CDH9: variants seen among roughly 807,000 people sequenced by gnomAD.
The protein encoded by CDH9 is cadherin-9.
In CDH9, 28 loss-of-function variants were observed where a neutral mutation model predicts 70.9. That is an observed-to-expected ratio of 0.40 (90% CI 0.29 to 0.54). The LOEUF (loss-of-function observed/expected upper bound fraction) is 0.54. Among genes scored for constraint, CDH9 ranks in the 20% least tolerant of loss-of-function variants. The pLI, the probability that CDH9 is intolerant of heterozygous loss-of-function variation, is 0.59. For synonymous variants in CDH9, 409 were observed against 343.1 expected (o/e 1.19, Z -2.12); for missense variants, 874 against 984.4 (o/e 0.89, Z 1.50).
chr5:27,008,344 G>A (rs1302552556), intron 1 of CDH9, among the ~76,000 whole-genome samples: 2 of 151,968 alleles, frequency 1.3e-5, no homozygotes, highest in Non-Finnish European at 2.9e-5. Context: ...ACAAAAATCA[G>A]CTGAGTGTGG....
rs958605373 is a variant in CDH9, at chr5:27,011,700, A to AT, written c.-49-23319dup. On this transcript the variant is annotated intron_variant, in intron 1 of 11. Transcript: ENST00000231021. ...TAACTATCACAGATAAAGGTAAGAG[A>AT]TTTTTCAGCTATGCTTTAGCAGCAT... 1.1e-4 allele frequency among the ~76,000 whole-genome samples: 17 copies of AT among 152,114 alleles called. 1 individual carries two copies. Among genetic ancestry groups the AT allele is most frequent in the Middle Eastern group, 3.4e-3 (1 of 294 alleles).
At chr5:27,027,164 G>T (rs1042585838) in intron 1 of CDH9, among the ~76,000 whole-genome samples, 1 of 151,894 alleles carries the variant, frequency 6.6e-6, no homozygotes, top group Non-Finnish European at 1.5e-5. Context: ...AACTTCAAGC[G>T]ATAAAGTGTA....
At chr5:27,007,434 A>G (rs892247662) in intron 1 of CDH9, among the ~76,000 whole-genome samples, 2 of 152,136 alleles carry the variant, frequency 1.3e-5, no homozygotes, top group Admixed American at 1.3e-4. Flanking sequence ...AAATGTATGC[A>G]AATTTATAAT....
intron 7 of CDH9, among the ~76,000 whole-genome samples, chr5:26,901,304 T>G (rs1740850468): frequency 6.6e-6 from 1 of 151,914 alleles, no homozygotes; most frequent in Admixed American, 6.6e-5. Flanking sequence ...GTAATAAACC[T>G]AAAACTAACC....
At chr5:27,035,719 T>G (rs1743382686) in intron 1 of CDH9, among the ~76,000 whole-genome samples, 1 of 151,122 alleles carries the variant, frequency 6.6e-6, no homozygotes, top group African/African-American at 2.4e-5. Context: ...TGGGTGTGTG[T>G]GGGTGTGTGT....
chr5:26,931,586 A>T (rs975417635), intron 2 of CDH9, among the ~76,000 whole-genome samples: 1 of 152,190 alleles, frequency 6.6e-6, no homozygotes, highest in Non-Finnish European at 1.5e-5. Flanking sequence ...ATAAGAAAAA[A>T]ATTCAAGCTA....
chr5:26,940,431 A>T (rs1741640318), intron 2 of CDH9, among the ~76,000 whole-genome samples: 2 of 152,184 alleles, frequency 1.3e-5, no homozygotes, highest in South Asian at 4.1e-4. Flanking sequence ...ACACATTATT[A>T]AAAACTAGAT....
chr5:26,948,413 T>C (rs944110052), intron 2 of CDH9, among the ~76,000 whole-genome samples: 1 of 152,170 alleles, frequency 6.6e-6, no homozygotes, highest in Admixed American at 6.5e-5. Flanking sequence ...AGAAGAAACA[T>C]TTCTTGAAAA....
At chr5:26,968,326 C>T (rs994412959) in intron 2 of CDH9, among the ~76,000 whole-genome samples, 3 of 151,816 alleles carry the variant, frequency 2.0e-5, no homozygotes, top group African/African-American at 7.3e-5. Flanking sequence ...TGCTCTGTTG[C>T]CCAGGCTGGA....
chr5:27,008,884 CT>C (rs1456083320), intron 1 of CDH9, among the ~76,000 whole-genome samples: 1 of 152,102 alleles, frequency 6.6e-6, no homozygotes, highest in Non-Finnish European at 1.5e-5. Flanking sequence ...GGAAAAATAA[CT>C]TTGCAATTGA....
At chr5:27,007,848 T>C (rs1246814662) in intron 1 of CDH9, among the ~76,000 whole-genome samples, 1 of 152,158 alleles carries the variant, frequency 6.6e-6, no homozygotes, top group Non-Finnish European at 1.5e-5. Flanking sequence ...TGCTGTGAAT[T>C]GATACCCATA....
chr5:26,915,587 CA>C lies in CDH9; in HGVS notation c.523+42del, dbSNP rs756523545. ...AGTCAATAATAATTACCTGAGCAAACAAACAAATAAAAAGTAGTTTACATGG... is the reference window on the plus strand; with the variant it reads ...AGTCAATAATAATTACCTGAGCAAACAACAAATAAAAAGTAGTTTACATGG... On this transcript the variant is annotated intron_variant, in intron 3 of 11. Coordinates refer to ENST00000231021, the MANE Select transcript of CDH9 (RefSeq NM_016279.4). The C allele has an allele frequency of 1.1e-5, 13 of 1,159,136 alleles. No individual in the cohort carries two copies. In the South Asian group the frequency reaches 1.7e-4, roughly 15 times the overall value. The allele number at this position is 1,159,136 out of a possible 1,614,324, so 71.8% of individuals were successfully genotyped here. A position where few individuals can be genotyped will look rare whatever the true frequency, so the allele number is the denominator to read the frequency against.
chr5:27,007,302 A>G (rs983234660), intron 1 of CDH9, among the ~76,000 whole-genome samples: 28 of 152,142 alleles, frequency 1.8e-4, no homozygotes, highest in Non-Finnish European at 3.7e-4. Context: ...CCAAACTGTT[A>G]GCCAGTTTAT....
At chr5:26,971,772 C>T (rs1451981951) in intron 2 of CDH9, among the ~76,000 whole-genome samples, 1 of 152,044 alleles carries the variant, frequency 6.6e-6, no homozygotes, top group African/African-American at 2.4e-5. Flanking sequence ...AAAATACACA[C>T]ACACACACAC....
At chr5:26,982,684 T>A (rs1354064692) in intron 2 of CDH9, among the ~76,000 whole-genome samples, 2 of 151,778 alleles carry the variant, frequency 1.3e-5, no homozygotes, top group African/African-American at 2.4e-5. Flanking sequence ...TTTTTTTTGT[T>A]TTTTTGTTTT....
At chr5:26,922,039 AAG>A (rs1044203173) in intron 2 of CDH9, among the ~76,000 whole-genome samples, 4 of 136,828 alleles carry the variant, frequency 2.9e-5, no homozygotes, top group African/African-American at 5.2e-5. Flanking sequence ...AAAAAAAAAA[AAG>A]AGAGAGAGAG....
At chr5:27,009,089 G>A (rs1421586427) in intron 1 of CDH9, among the ~76,000 whole-genome samples, 1 of 152,130 alleles carries the variant, frequency 6.6e-6, no homozygotes, top group South Asian at 2.1e-4. Flanking sequence ...TACCAAATAT[G>A]AGAATGATTC....
At chr5:27,005,148 G>T (rs1411610934) in intron 1 of CDH9, among the ~76,000 whole-genome samples, 1 of 151,998 alleles carries the variant, frequency 6.6e-6, no homozygotes, top group Non-Finnish European at 1.5e-5. Context: ...TATTATTAAT[G>T]GTGAGAGCAA....
At chr5:26,992,789 A>G (rs1742598412) in intron 1 of CDH9, among the ~76,000 whole-genome samples, 1 of 152,116 alleles carries the variant, frequency 6.6e-6, no homozygotes, top group Non-Finnish European at 1.5e-5. Context: ...GAAATGCTTA[A>G]TCTTCTTCAA....
Sources: allele counts gnomAD v4.1 joint callset (sites outside exome capture counted in the v4.1 genomes callset), GRCh38; gene constraint gnomAD v4.1.1; transcripts MANE v1.5; gene names NCBI Gene and HGNC (gene_info 2026-07-23, HGNC 2026-07-21).